Variants in PRKG1 observed in about 807,000 individuals in gnomAD.
PRKG1 encodes protein kinase cGMP-dependent 1.
In PRKG1, 35 loss-of-function variants were observed where a neutral mutation model predicts 88.1. That is an observed-to-expected ratio of 0.40 (90% CI 0.30 to 0.53). The LOEUF (loss-of-function observed/expected upper bound fraction) is 0.53. Among genes scored for constraint, PRKG1 ranks in the 20% least tolerant of loss-of-function variants. The probability of loss-of-function intolerance (pLI) is 0.59; values close to 1 mark genes in which losing one functional copy is unlikely to be tolerated. For synonymous variants in PRKG1, 303 were observed against 292.5 expected (o/e 1.04, Z -0.37); for missense variants, 540 against 839.8 (o/e 0.64, Z 4.41).
At chr10:52,262,388 C>T (rs1841453589) in intron 10 of PRKG1, among the ~76,000 whole-genome samples, 1 of 152,080 alleles carries the variant, frequency 6.6e-6, no homozygotes. Context: ...TCTCCTGCCT[C>T]AGCCTCCTGA....
intron 8 of PRKG1, among the ~76,000 whole-genome samples, chr10:52,136,009 A>C (rs1837405966): frequency 6.6e-6 from 1 of 152,054 alleles, no homozygotes; most frequent in Non-Finnish European, 1.5e-5. Context: ...TTCAGAAAGC[A>C]AGAGGATATT....
chr10:52,252,421 A>T (rs1052429255), intron 10 of PRKG1: 1 of 152,090 alleles, frequency 6.6e-6, no homozygotes, highest in African/African-American at 2.4e-5. Context: ...GCATTTCAAG[A>T]CGGTGTGGCT....
intron 4 of PRKG1, among the ~76,000 whole-genome samples, chr10:51,828,453 G>A (rs1839929846): frequency 6.6e-6 from 1 of 152,086 alleles, no homozygotes; most frequent in Non-Finnish European, 1.5e-5. Context: ...GTTGTGTTAG[G>A]AAATTACTTG....
intron 3 of PRKG1, among the ~76,000 whole-genome samples, chr10:51,530,703 C>A (rs1841996531): frequency 6.6e-6 from 1 of 152,130 alleles, no homozygotes; most frequent in Admixed American, 6.5e-5. Flanking sequence ...CAAACTTTTC[C>A]ATCTCCAGTG....
rs1412511309 is a variant in PRKG1, at chr10:51,698,316, C to T, written c.593-106269C>T. ...GTCTCCATCGCTCGAGAATCTCTAC[C>T]ACCTCTACCATCCATAGGTAGACCC... is the stretch of plus-strand genomic sequence containing the variant. On this transcript the variant is annotated intron_variant, in intron 3 of 17. Transcript: ENST00000373980. 24 of 1,613,880 alleles carry T rather than the reference C, an allele frequency of 1.5e-5. No homozygotes were observed. The highest frequency in any genetic ancestry group is 1.9e-5 in the Non-Finnish European group (22 of 1,179,766).
intron 2 of PRKG1, among the ~76,000 whole-genome samples, chr10:51,263,935 T>C (rs1026615154): frequency 1.3e-5 from 2 of 152,334 alleles, no homozygotes; most frequent in South Asian, 2.1e-4. Flanking sequence ...TAATATATTA[T>C]AATTTGAATC....
intron 5 of PRKG1, among the ~76,000 whole-genome samples, chr10:52,013,788 C>T (rs568405042): frequency 2.0e-5 from 3 of 152,270 alleles, no homozygotes; most frequent in African/African-American, 7.2e-5. Flanking sequence ...AGTAAGATAG[C>T]TATGGCAGCA....
chr10:51,096,379 T>A (rs534205218), intron 1 of PRKG1, among the ~76,000 whole-genome samples: 4 of 152,322 alleles, frequency 2.6e-5, no homozygotes, highest in Admixed American at 2.6e-4. Context: ...AGTAGCCCAG[T>A]TGGCACTCCT....
At position 51,750,304 on chromosome 10, in the gene PRKG1, A is replaced by G. The variant is rs115960595; in HGVS notation, c.593-54281A>G. Among the ~76,000 whole-genome samples, 536 of 152,252 alleles carry G rather than the reference A, an allele frequency of 3.5e-3. 5 individuals are homozygous for G. Among genetic ancestry groups the G allele is most frequent in the African/African-American group, 0.012 (511 of 41,558 alleles). On this transcript the variant is annotated intron_variant, in intron 3 of 17. Transcript: ENST00000373980. Reference sequence around the variant, plus strand: ...AGGTGTGGTCCCGCAACTGACTTGCACCCCAATAATATATTTATCAATTTG... The same window carrying G: ...AGGTGTGGTCCCGCAACTGACTTGCGCCCCAATAATATATTTATCAATTTG...
intron 2 of PRKG1, among the ~76,000 whole-genome samples, chr10:51,303,245 C>T (rs1189263672): frequency 6.6e-6 from 1 of 152,044 alleles, no homozygotes; most frequent in Non-Finnish European, 1.5e-5. Flanking sequence ...TCAAGGACTT[C>T]CCAAGTTTCC....
intron 1 of PRKG1, 27 bp from the exon 2 acceptor site, chr10:51,153,137 C>A (rs760614805): frequency 1.4e-5 from 23 of 1,603,562 alleles, no homozygotes; most frequent in Non-Finnish European, 1.9e-5. Flanking sequence ...TCAGATGTGC[C>A]AGTAAATCTT....
At chr10:51,907,299 A>G (rs1842105853) in intron 4 of PRKG1, among the ~76,000 whole-genome samples, 1 of 151,886 alleles carries the variant, frequency 6.6e-6, no homozygotes, top group Non-Finnish European at 1.5e-5. Flanking sequence ...CCTGTTAGAC[A>G]TCAAACCATG....
intron 3 of PRKG1, among the ~76,000 whole-genome samples, chr10:51,652,862 C>G (rs1256324566): frequency 6.6e-6 from 1 of 152,160 alleles, no homozygotes; most frequent in Non-Finnish European, 1.5e-5. Flanking sequence ...GCCCTTTGAT[C>G]AACATCTCCT....
chr10:51,653,957 A>G (rs1840102044), intron 3 of PRKG1, among the ~76,000 whole-genome samples: 1 of 152,128 alleles, frequency 6.6e-6, no homozygotes, highest in African/African-American at 2.4e-5. Context: ...TATCAGATGT[A>G]TAGTTTGCAA....
chr10:52,121,970 C>A (rs574899247), intron 7 of PRKG1, among the ~76,000 whole-genome samples: 57 of 152,288 alleles, frequency 3.7e-4, no homozygotes, highest in African/African-American at 1.3e-3. Context: ...TTAGCAATAG[C>A]CCAACTCCTT....
chr10:51,395,311 G>A (rs900490315), intron 2 of PRKG1, among the ~76,000 whole-genome samples: 2 of 152,206 alleles, frequency 1.3e-5, no homozygotes, highest in Non-Finnish European at 2.9e-5. Context: ...TTCTCAGTGT[G>A]CAGCACCTCA....
intron 4 of PRKG1, among the ~76,000 whole-genome samples, chr10:51,828,541 G>A (rs1839931865): frequency 6.6e-6 from 1 of 152,116 alleles, no homozygotes; most frequent in Non-Finnish European, 1.5e-5. Context: ...ATTAAAATCA[G>A]TATCACTTAT....
At chr10:51,840,786 C>G (rs1223037284) in intron 4 of PRKG1, among the ~76,000 whole-genome samples, 1 of 151,988 alleles carries the variant, frequency 6.6e-6, no homozygotes, top group Non-Finnish European at 1.5e-5. Context: ...CCTCAGGTGA[C>G]CTGCCCGCCT....
chr10:51,951,211 GC>G (rs1353962724), intron 5 of PRKG1, among the ~76,000 whole-genome samples: 10 of 152,258 alleles, frequency 6.6e-5, no homozygotes, highest in African/African-American at 2.4e-4. Flanking sequence ...CCAGAGACCT[GC>G]CCCTATGTGC....
Sources: allele counts gnomAD v4.1 joint callset (sites outside exome capture counted in the v4.1 genomes callset), GRCh38; gene constraint gnomAD v4.1.1; transcripts MANE v1.5; gene names NCBI Gene and HGNC (gene_info 2026-07-23, HGNC 2026-07-21).